Variants in PGBD5 observed in about 807,000 individuals in gnomAD.
PGBD5 encodes the protein piggyBac transposable element derived 5, also known as piggyBac transposable element-derived protein 5.
In PGBD5, 14 loss-of-function variants were observed where a neutral mutation model predicts 47.9. The observed-to-expected ratio is 0.29, with a 90% CI of 0.19 to 0.46. The LOEUF (loss-of-function observed/expected upper bound fraction) is 0.46. PGBD5 is among the 20% of genes least tolerant of loss of function. PGBD5 has a pLI of 1.00. For synonymous variants in PGBD5, 316 were observed against 306.3 expected (o/e 1.03, Z -0.33); for missense variants, 635 against 716.0 (o/e 0.89, Z 1.29).
At chr1:230,325,466 C>A (rs372276147) in intron 5 of PGBD5, 51 bp from the exon 6 acceptor site, 2 of 1,312,594 alleles carry the variant, frequency 1.5e-6, no homozygotes, top group Non-Finnish European at 1.1e-6. Flanking sequence ...CCTCCTAATG[C>A]CACTTTATAA....
intron 4 of PGBD5, among the ~76,000 whole-genome samples, chr1:230,335,054 G>C (rs923618087): frequency 1.3e-5 from 2 of 150,878 alleles, no homozygotes; most frequent in Admixed American, 6.6e-5. Context: ...TACACACACA[G>C]ACACAAACAC....
At chr1:230,328,967 C>G (rs1667166389) in intron 5 of PGBD5, among the ~76,000 whole-genome samples, 2 of 151,974 alleles carry the variant, frequency 1.3e-5, no homozygotes, top group East Asian at 3.9e-4. Flanking sequence ...CAGTCTCACT[C>G]TGTTGCTCAG....
In PGBD5 at chr1:230,324,057, C is replaced by T. The variant is rs77425408; in HGVS notation, c.1380-437G>A. 3.9e-3 allele frequency among the ~76,000 whole-genome samples: 597 copies of T among 152,352 alleles called. 8 individuals carry two copies. The East Asian group carries it at 0.052, about 13-fold the overall frequency. ...CCCCTGCAGGGCATTCCCCTGCTCCCGAATGTACCTTTGCCATCCCCACCA... is the reference window on the plus strand; with the variant it reads ...CCCCTGCAGGGCATTCCCCTGCTCCTGAATGTACCTTTGCCATCCCCACCA... On this transcript the variant is annotated intron_variant, in intron 6 of 6. Coordinates refer to ENST00000391860, the MANE Select transcript of PGBD5 (RefSeq NM_001258311.2).
At chr1:230,373,346 G>T (rs916981833) in intron 1 of PGBD5, among the ~76,000 whole-genome samples, 1 of 152,158 alleles carries the variant, frequency 6.6e-6, no homozygotes, top group Non-Finnish European at 1.5e-5. Context: ...TCTTGTGTCG[G>T]CCCCAATAGT....
intron 1 of PGBD5, among the ~76,000 whole-genome samples, chr1:230,361,487 C>T (rs928159047): frequency 1.3e-5 from 2 of 152,066 alleles, no homozygotes; most frequent in African/African-American, 4.8e-5. Context: ...ATGTCAAGGC[C>T]CCCATCACAC....
chr1:230,320,525 G>C lies in PGBD5; in HGVS notation c.*2900C>G, dbSNP rs1409602187. The C allele has an allele frequency of 6.6e-6, 1 of 152,178 alleles. No homozygotes were observed. Among genetic ancestry groups the C allele is most frequent in the Non-Finnish European group, 1.5e-5 (1 of 68,056 alleles). 9.4% of individuals were successfully genotyped at this position (152,178 alleles called of 1,614,324 possible). ...GGGGATCGGCTTGGCTTAGTGGCTG[G>C]ATCTGAGTGGAATGGGCTCTCACTT... On this transcript the variant is annotated 3_prime_UTR_variant, in exon 7 of 7. Coordinates refer to ENST00000391860, the MANE Select transcript of PGBD5 (RefSeq NM_001258311.2).
At chr1:230,409,632 A>T (rs1223163494) in intron 1 of PGBD5, among the ~76,000 whole-genome samples, 1 of 152,242 alleles carries the variant, frequency 6.6e-6, no homozygotes, top group Non-Finnish European at 1.5e-5. Flanking sequence ...TGTATATGAA[A>T]TGTCTAGAAT....
At chr1:230,327,312 C>G (rs550449796) in intron 5 of PGBD5, among the ~76,000 whole-genome samples, 83 of 152,180 alleles carry the variant, frequency 5.5e-4, no homozygotes, top group Non-Finnish European at 1.1e-3. Context: ...CTTTGCAGGT[C>G]CACAGGAGCT....
In PGBD5 at chr1:230,386,314, A is replaced by G. The variant is rs1445062328; in HGVS notation, c.332-28993T>C. 3.9e-5 allele frequency among the ~76,000 whole-genome samples: 5 copies of G among 128,584 alleles called. 1 individual carries two copies. The highest frequency in any genetic ancestry group is 1.6e-4 in the Admixed American group (2 of 12,874). 84.4% of individuals were successfully genotyped at this position (128,584 alleles called of 152,430 possible). A position where few individuals can be genotyped will look rare whatever the true frequency, so the allele number is the denominator to read the frequency against. Reference sequence around the variant, plus strand: ...AGCCAGGGTGACAGAGCAAAACCCTATCTTAAAAAAAAAAAAAAGCAGTAT... The same window carrying G: ...AGCCAGGGTGACAGAGCAAAACCCTGTCTTAAAAAAAAAAAAAAGCAGTAT... On this transcript the variant is annotated intron_variant, in intron 1 of 6. Transcript: ENST00000391860.
chr1:230,409,718 T>C (rs1323337067), intron 1 of PGBD5, among the ~76,000 whole-genome samples: 3 of 152,130 alleles, frequency 2.0e-5, no homozygotes, highest in Non-Finnish European at 2.9e-5. Flanking sequence ...GTGATGGAAA[T>C]AGTTTCACCA....
chr1:230,419,458 G>A (rs1488137149), intron 1 of PGBD5, among the ~76,000 whole-genome samples: 1 of 152,160 alleles, frequency 6.6e-6, no homozygotes, highest in Non-Finnish European at 1.5e-5. Flanking sequence ...TAGGTACTCT[G>A]CTCACCACAG....
chr1:230,377,459 T>C (rs1032771514), intron 1 of PGBD5: 1 of 1,602,174 alleles, frequency 6.2e-7, no homozygotes, highest in Non-Finnish European at 8.5e-7. Flanking sequence ...AAAAGATCTC[T>C]TGCCCAGAGC....
At chr1:230,360,787 C>T (rs577727278) in intron 1 of PGBD5, among the ~76,000 whole-genome samples, 46 of 152,290 alleles carry the variant, frequency 3.0e-4, no homozygotes, top group African/African-American at 1.1e-3. Context: ...TACAGTTAGT[C>T]CTTATCAACA....
intron 1 of PGBD5, among the ~76,000 whole-genome samples, chr1:230,384,133 G>A (rs1047673077): frequency 6.6e-6 from 1 of 152,198 alleles, no homozygotes; most frequent in Non-Finnish European, 1.5e-5. Flanking sequence ...GAGGGTCGGA[G>A]CAACCGGGGA....
intron 1 of PGBD5, among the ~76,000 whole-genome samples, chr1:230,418,398 C>T (rs1657572830): frequency 6.6e-6 from 1 of 152,144 alleles, no homozygotes; most frequent in Admixed American, 6.5e-5. Context: ...ACAGGTAAAA[C>T]AATTAAGTAT....
At chr1:230,419,876 G>A (rs1004923134) in intron 1 of PGBD5, among the ~76,000 whole-genome samples, 4 of 151,900 alleles carry the variant, frequency 2.6e-5, no homozygotes, top group Admixed American at 1.3e-4. Flanking sequence ...CTGTAATCTC[G>A]GCACTTTGGG....
intron 6 of PGBD5, among the ~76,000 whole-genome samples, chr1:230,324,210 G>A (rs1667081034): frequency 6.6e-6 from 1 of 152,176 alleles, no homozygotes; most frequent in East Asian, 1.9e-4. Flanking sequence ...TTGTGAGTTT[G>A]CCTCTGCACC....
intron 1 of PGBD5, among the ~76,000 whole-genome samples, chr1:230,391,032 G>A (rs116433231): frequency 0.033 from 4,986 of 152,114 alleles, 110 homozygotes; most frequent in East Asian, 0.085. Context: ...GAGCTACCAC[G>A]CCCAGCCTCA....
intron 1 of PGBD5, among the ~76,000 whole-genome samples, chr1:230,393,804 G>T (rs1232757668): frequency 3.0e-5 from 4 of 132,222 alleles, no homozygotes; most frequent in Non-Finnish European, 6.2e-5. Context: ...CCGCCTGGGC[G>T]ACAGAACGAG....
Sources: allele counts gnomAD v4.1 joint callset (sites outside exome capture counted in the v4.1 genomes callset), GRCh38; gene constraint gnomAD v4.1.1; transcripts MANE v1.5; gene names NCBI Gene and HGNC (gene_info 2026-07-23, HGNC 2026-07-21).